The following RIN2 variants were observed in gnomAD, a reference collection of about 807,000 sequenced individuals.
RIN2 encodes the protein RAB5 interacting protein 2.
In RIN2, 36 loss-of-function variants were observed where a neutral mutation model predicts 78.0. The ratio of observed to expected loss-of-function variants is 0.46; its 90% CI spans 0.35 to 0.61. RIN2 has a LOEUF of 0.61. Among genes scored for constraint, RIN2 ranks in the 20% least tolerant of loss-of-function variants. The pLI, the probability that RIN2 is intolerant of heterozygous loss-of-function variation, is 0.00. For missense variants in RIN2, 1,087 were observed against 1,159.7 expected (o/e 0.94, Z 0.91); for synonymous variants, 466 against 466.8 (o/e 1.00, Z 0.02).
chr20:19,899,966 G>T (rs2038906693), intron 3 of RIN2, among the ~76,000 whole-genome samples: 1 of 152,142 alleles, frequency 6.6e-6, no homozygotes, highest in Non-Finnish European at 1.5e-5. Flanking sequence ...TCAACAACCT[G>T]CAGGGCCAAA....
In RIN2 at chr20:19,889,569, T is replaced by A; in HGVS notation, c.-33T>A. ...TTAAAAATGTCTCTACCTTCAGGAG[T>A]CCCCGGCGTGCAGTGGAGCCTCGCT... On this transcript the variant is annotated 5_prime_UTR_variant, in exon 3 of 13. Transcript: ENST00000255006. The A allele has an allele frequency of 6.5e-7, 1 of 1,547,506 alleles. No individual in the cohort carries two copies. The highest frequency in any genetic ancestry group is 8.7e-7 in the Non-Finnish European group (1 of 1,144,542).
At chr20:19,935,696 T>G in intron 4 of RIN2, 1 of 863,626 alleles carries the variant, frequency 1.2e-6, no homozygotes, top group Non-Finnish European at 1.4e-6. Context: ...GTAAATTCGA[T>G]ACAAAGGGAA....
In RIN2 at chr20:19,982,176, T is replaced by G. The variant is rs2235893; in HGVS notation, c.1762+6389T>G. ...CAAAGAAAGCAGCGTGCTTACGAGG[T>G]GTCAGATGCATACAATTGCTCCTGG... On this transcript the variant is annotated intron_variant, in intron 9 of 12. Coordinates refer to ENST00000255006, the MANE Select transcript of RIN2 (RefSeq NM_018993.4). 5.3e-5 allele frequency among the ~76,000 whole-genome samples: 8 copies of G among 152,018 alleles called. No individual in the cohort carries two copies. The South Asian group carries it at 1.5e-3, about 28-fold the overall frequency.
intron 3 of RIN2, among the ~76,000 whole-genome samples, chr20:19,916,357 G>C (rs1380902640): frequency 6.6e-6 from 1 of 152,226 alleles, no homozygotes; most frequent in East Asian, 1.9e-4. Flanking sequence ...AGTGGCTCAC[G>C]CCCATAATCC....
At position 19,889,663 on chromosome 20, in the gene RIN2, A is replaced by C; in HGVS notation, c.57+5A>C. On this transcript the variant is annotated splice_donor_5th_base_variant and intron_variant, in intron 3 of 12. Transcript: ENST00000255006. Reference sequence around the variant, plus strand: ...AAGCGAGGAAGTTTCTTTAAGGTAAAAGGAAGCCTTGATTGGGATCTCAAC... The same window carrying C: ...AAGCGAGGAAGTTTCTTTAAGGTAACAGGAAGCCTTGATTGGGATCTCAAC... 1 of 1,495,072 alleles carries C rather than the reference A, an allele frequency of 6.7e-7. No individual in the cohort carries two copies. Among genetic ancestry groups the C allele is most frequent in the Non-Finnish European group, 9.0e-7 (1 of 1,115,010 alleles). The allele number at this position is 1,495,072 out of a possible 1,614,324, so 92.6% of individuals were successfully genotyped here.
rs1260448388 is a variant in RIN2, at chr20:20,000,940, A to T, written c.*4A>T. The T allele has an allele frequency of 2.5e-6, 4 of 1,603,054 alleles. No individual in the cohort carries two copies. Among genetic ancestry groups the T allele is most frequent in the East Asian group, 2.2e-5 (1 of 44,830 alleles). On this transcript the variant is annotated 3_prime_UTR_variant, in exon 13 of 13. Coordinates refer to ENST00000255006, the MANE Select transcript of RIN2 (RefSeq NM_018993.4). Reference sequence around the variant, plus strand: ...AGAAGACCTCACCACCTCCTAGAAGACAGGCGGGACTTCCCAGTGGTGCAT... The same window carrying T: ...AGAAGACCTCACCACCTCCTAGAAGTCAGGCGGGACTTCCCAGTGGTGCAT...
chr20:19,967,296 G>A (rs1600980104), intron 7 of RIN2, among the ~76,000 whole-genome samples: 1 of 152,152 alleles, frequency 6.6e-6, no homozygotes, highest in Non-Finnish European at 1.5e-5. Flanking sequence ...AGGTAGGAAG[G>A]CCAAGATTAA....
chr20:19,917,502 C>T (rs893453745), intron 3 of RIN2, among the ~76,000 whole-genome samples: 2 of 152,138 alleles, frequency 1.3e-5, no homozygotes, highest in African/African-American at 4.8e-5. Context: ...AGAAAAGAGA[C>T]CTAAATTGTA....
chr20:19,917,405 A>G (rs1319112864), intron 3 of RIN2, among the ~76,000 whole-genome samples: 1 of 152,208 alleles, frequency 6.6e-6, no homozygotes, highest in Non-Finnish European at 1.5e-5. Context: ...CTCTCTGTTA[A>G]TTCCATCCAT....
At chr20:19,816,514 A>C (rs1253891673) in intron 2 of RIN2, among the ~76,000 whole-genome samples, 1 of 152,220 alleles carries the variant, frequency 6.6e-6, no homozygotes, top group Non-Finnish European at 1.5e-5. Flanking sequence ...TCAGAAGATC[A>C]AATTCTGGTT....
Position 19,928,104 on chromosome 20 carries a change from T to C in RIN2, c.58-6995T>C, listed in dbSNP as rs530908995. 4.6e-5 allele frequency among the ~76,000 whole-genome samples: 7 copies of C among 152,318 alleles called. No individual in the cohort carries two copies. The East Asian group carries it at 1.4e-3, about 29-fold the overall frequency. ...TTTTAGTAGAGACAGGGTTTCACCA[T>C]GTTGGCCAGGCTGGTTTCGAACTCC... On this transcript the variant is annotated intron_variant, in intron 3 of 12. Coordinates refer to ENST00000255006, the MANE Select transcript of RIN2 (RefSeq NM_018993.4).
chr20:19,798,753 T>A (rs1302905338), intron 1 of RIN2, among the ~76,000 whole-genome samples: 1 of 151,958 alleles, frequency 6.6e-6, no homozygotes, highest in African/African-American at 2.4e-5. Context: ...AATATAGGAG[T>A]TAATGGTGAT....
chr20:19,982,752 G>T lies in RIN2; in HGVS notation c.1762+6965G>T, dbSNP rs536636368. On this transcript the variant is annotated intron_variant, in intron 9 of 12. Transcript: ENST00000255006. ...CATTTTGCATGAGGCTTTCACCAGA[G>T]CTCTGGCCCAGGGTGGGCTAGAAAG... 5.9e-5 allele frequency among the ~76,000 whole-genome samples: 9 copies of T among 152,346 alleles called. No individual in the cohort carries two copies. In the South Asian group the frequency reaches 1.9e-3, roughly 32 times the overall value.
intron 7 of RIN2, among the ~76,000 whole-genome samples, chr20:19,968,326 A>G (rs1453147915): frequency 6.6e-6 from 1 of 152,192 alleles, no homozygotes; most frequent in Non-Finnish European, 1.5e-5. Context: ...TAGACTGTAC[A>G]TGTTTTAACT....
chr20:19,895,561 C>T (rs999967340), intron 3 of RIN2, among the ~76,000 whole-genome samples: 3 of 152,060 alleles, frequency 2.0e-5, no homozygotes, highest in African/African-American at 7.2e-5. Context: ...GGGATCCTAC[C>T]CTCCCGGGCC....
intron 2 of RIN2, among the ~76,000 whole-genome samples, chr20:19,861,347 A>G (rs186119815): frequency 3.6e-4 from 55 of 152,354 alleles, no homozygotes; most frequent in African/African-American, 1.3e-3. Flanking sequence ...ATGTTCCACC[A>G]CAGCCCTTCC....
chr20:19,828,398 A>G (rs2122974346), intron 2 of RIN2, among the ~76,000 whole-genome samples: 1 of 152,284 alleles, frequency 6.6e-6, no homozygotes, highest in Admixed American at 6.5e-5. Flanking sequence ...TCTGCCCACA[A>G]GTTAGGTCAA....
chr20:19,924,408 CTCTTCATAACCCTACT>C (rs1427889872), intron 3 of RIN2, among the ~76,000 whole-genome samples: 3 of 21,374 alleles, frequency 1.4e-4, no homozygotes, highest in Non-Finnish European at 1.5e-4. Flanking sequence ...CATACCCCAC[CTCTTCATAACCCTACT>C]TTCATACCCC....
rs1180991919 is a variant in RIN2, at chr20:20,000,864, C to T, written c.2616C>T (p.Val872=). The T allele has an allele frequency of 5.0e-6, 8 of 1,613,916 alleles. No homozygotes were observed. The highest frequency in any genetic ancestry group is 5.1e-6 in the Non-Finnish European group (6 of 1,179,908). ...SRPQPHIFHF[V]YKRIKNDPYG... is the part of the protein sequence containing the mutation. ...CACAGCCCCACATCTTCCACTTTGTCTACAAACGCATCAAGAACGATCCTT... is the reference window on the plus strand; with the variant it reads ...CACAGCCCCACATCTTCCACTTTGTTTACAAACGCATCAAGAACGATCCTT... The change falls in exon 13 of 13, where the codon GTC becomes GTT. Residue 872 remains valine, a synonymous_variant. Coordinates refer to ENST00000255006, the MANE Select transcript of RIN2 (RefSeq NM_018993.4).
Sources: allele counts gnomAD v4.1 joint callset (sites outside exome capture counted in the v4.1 genomes callset), GRCh38; gene constraint gnomAD v4.1.1; transcripts MANE v1.5; gene names NCBI Gene and HGNC (gene_info 2026-07-23, HGNC 2026-07-21).